The following PCYT2 variants were observed in gnomAD, a reference collection of about 807,000 sequenced individuals.
The protein encoded by PCYT2 is phosphate cytidylyltransferase 2, ethanolamine, also known as ethanolamine-phosphate cytidylyltransferase.
In PCYT2, 33 loss-of-function variants were observed where a neutral mutation model predicts 50.0. The observed-to-expected ratio is 0.66, with a 90% CI of 0.50 to 0.88. The LOEUF is 0.88. PCYT2 is among the 40% of genes least tolerant of loss of function. PCYT2 has a pLI of 0.00. For missense variants in PCYT2, 430 were observed against 519.7 expected (o/e 0.83, Z 1.68); for synonymous variants, 240 against 203.7 (o/e 1.18, Z -1.52).
Position 81,909,550 on chromosome 17 carries a change from T to G in PCYT2, c.142A>C (p.Met48Leu). The G allele has an allele frequency of 1.2e-6, 2 of 1,613,782 alleles. No homozygotes were observed. The highest frequency in any genetic ancestry group is 4.5e-5 in the East Asian group (2 of 44,882). Reference sequence around the variant, plus strand: ...ACGCCTACGATGAGGTAGTCACCCATGGCCCGTGCCTGGCGCAGCTGGTTG... The same window carrying G: ...ACGCCTACGATGAGGTAGTCACCCAGGGCCCGTGCCTGGCGCAGCTGGTTG... The part of the protein sequence containing the change: ...HSNQLRQARA[M>L]GDYLIVGVHT... The change falls in exon 2 of 13, where the codon ATG (methionine) becomes CTG (leucine). Residue 48 changes from methionine to leucine, a missense_variant. This residue lies in a region of PCYT2 where 117 missense variants were observed against 163.9 expected (regional missense o/e 0.71). Coordinates refer to ENST00000538936, the MANE Select transcript of PCYT2 (RefSeq NM_002861.5).
intron 9 of PCYT2, 89 bp from the exon 10 acceptor site, chr17:81,905,824 G>A: frequency 2.9e-6 from 4 of 1,360,214 alleles, no homozygotes; most frequent in Non-Finnish European, 4.2e-6. Flanking sequence ...GCTCAGACAT[G>A]GGGCGGGGCT....
chr17:81,905,923 C>T (rs1427513892), intron 9 of PCYT2, 177 bp downstream of exon 9: 9 of 750,852 alleles, frequency 1.2e-5, no homozygotes, highest in Admixed American at 2.2e-5. Flanking sequence ...GGAGACCTGA[C>T]CACCCCTCCT....
intron 8 of PCYT2, 60 bp downstream of exon 8, chr17:81,906,404 T>A (rs774305572): frequency 1.5e-5 from 22 of 1,513,514 alleles, no homozygotes; most frequent in Non-Finnish European, 1.8e-5. Flanking sequence ...ACAGCAACGC[T>A]TAGGGCCCCT....
In PCYT2 at chr17:81,908,877, G is replaced by A; in HGVS notation, c.339C>T (p.Gly113=). 3 of 1,613,006 alleles carry A rather than the reference G, an allele frequency of 1.9e-6. No homozygotes were observed. The highest frequency in any genetic ancestry group is 2.5e-6 in the Non-Finnish European group (3 of 1,179,362). Residue 113 remains glycine, a splice_region_variant and synonymous_variant, in exon 3 of 13, where the codon GGC becomes GGT. Transcript: ENST00000538936. ...DKYNCDFCVH[G]NDITLTVDGR... is the part of the protein sequence containing the mutation. ...CCAGGTCCCAGCCCCGCCACTCACT[G>A]CCGTGAACACAGAAGTCACAGTTGT...
rs1230746176 is a variant in PCYT2, at chr17:81,911,035, G to T, written c.89+232C>A. On this transcript the variant is annotated intron_variant, in intron 1 of 12. Transcript: ENST00000538936. The stretch of plus-strand genomic sequence containing the variant: ...CGGTGGCTGCACCGGAGAGGTCGGC[G>T]TGACCGGGCGGGGCCTCCGCCAGAG... 3.0e-6 allele frequency: 3 copies of T among 998,906 alleles called. No homozygotes were observed. The African/African-American group carries it at 5.2e-5, about 17-fold the overall frequency. 61.9% of individuals were successfully genotyped at this position (998,906 alleles called of 1,614,324 possible). A position where few individuals can be genotyped will look rare whatever the true frequency, so the allele number is the denominator to read the frequency against.
chr17:81,905,154 C>G lies in PCYT2; in HGVS notation c.970G>C (p.Glu324Gln). The change falls in exon 12 of 13, where the codon GAG (glutamate) becomes CAG (glutamine). Residue 324 changes from glutamate (E) to glutamine (Q), a missense_variant and splice_region_variant. By Grantham distance (29) the Glu-to-Gln change is conservative. Coordinates refer to ENST00000538936, the MANE Select transcript of PCYT2 (RefSeq NM_002861.5). ...CGGAAGATGCCCCTTCTCTTGGGCT[C>G]CTGGGGGTCCAGAGAGGAGGAGCGG... ...PDRDGSDPYQ[E>Q]PKRRGIFRQI... 6.2e-7 allele frequency: 1 copy of G among 1,611,450 alleles called. No homozygotes were observed. The highest frequency in any genetic ancestry group is 8.5e-7 in the Non-Finnish European group (1 of 1,178,844).
In PCYT2 at chr17:81,904,989, C is replaced by A. The variant is rs779946571; in HGVS notation, c.1059-45G>T. ...CTAGCAGAGAGCGCCCATGAGGCGG[C>A]TCCGAGGGGGAGGGCACGGTAAGTC... On this transcript the variant is annotated intron_variant, in intron 12 of 12. Transcript: ENST00000538936. The A allele has an allele frequency of 1.9e-6, 3 of 1,590,966 alleles. No individual in the cohort carries two copies. The South Asian group carries it at 3.4e-5, about 18-fold the overall frequency.
rs2040463994 is a variant in PCYT2 at position 81,909,563 on chromosome 17, G to A, written c.129C>T (p.Arg43=). The A allele has an allele frequency of 6.2e-7, 1 of 1,613,838 alleles. No homozygotes were observed. Among genetic ancestry groups the A allele is most frequent in the Admixed American group, 1.7e-5 (1 of 60,028 alleles). The change falls in exon 2 of 13, where the codon CGC becomes CGT. Residue 43 remains arginine, a synonymous_variant. Coordinates refer to ENST00000538936, the MANE Select transcript of PCYT2 (RefSeq NM_002861.5). ...MVHYGHSNQL[R]QARAMGDYLI... ...GGTAGTCACCCATGGCCCGTGCCTG[G>A]CGCAGCTGGTTGGAGTGGCCGTAAT... is the stretch of plus-strand genomic sequence containing the variant.
intron 2 of PCYT2, 158 bp downstream of exon 2, chr17:81,909,356 G>A: frequency 1.4e-6 from 2 of 1,443,544 alleles, no homozygotes; most frequent in Non-Finnish European, 1.8e-6. Context: ...AAAGGCATTA[G>A]GCCATCCTCA....
chr17:81,907,417 G>A lies in PCYT2; in HGVS notation c.537+137C>T, dbSNP rs2040332629. On this transcript the variant is annotated intron_variant, in intron 6 of 12. Coordinates refer to ENST00000538936, the MANE Select transcript of PCYT2 (RefSeq NM_002861.5). ...ACCAGTGAGCCAAACCTGGCAGTCA[G>A]TGCCTGGTCAGTGCCAGGGACAGAG... 4.2e-6 allele frequency: 5 copies of A among 1,202,156 alleles called. No individual in the cohort carries two copies. The African/African-American group carries it at 4.5e-5, about 11-fold the overall frequency. The allele number at this position is 1,202,156 out of a possible 1,614,324, so 74.5% of individuals were successfully genotyped here.
chr17:81,907,649 C>G, intron 5 of PCYT2, 51 bp from the exon 6 acceptor site: 1 of 1,604,646 alleles, frequency 6.2e-7, no homozygotes. Context: ...CCGGCGTGGC[C>G]ACCCCAGAAC....
chr17:81,909,620 G>GGCAAGGT lies in PCYT2; in HGVS notation c.90-19_90-18insACCTTGC. ...TGTCATAGCTGTGGAGACAGAGAGA[G>GGCAAGGT]TGGGTGGTCCCTGTGCCAAGGGTGG... On this transcript the variant is annotated intron_variant, in intron 1 of 12. Transcript: ENST00000538936. The GGCAAGGT allele has an allele frequency of 6.2e-7, 1 of 1,604,528 alleles. No individual in the cohort carries two copies. The highest frequency in any genetic ancestry group is 8.5e-7 in the Non-Finnish European group (1 of 1,171,560).
At chr17:81,909,469 A>AGGAGGGCT (rs1193939349) in intron 2 of PCYT2, 45 bp downstream of exon 2, 1 of 1,567,034 alleles carries the variant, frequency 6.4e-7, no homozygotes, top group East Asian at 2.2e-5. Context: ...CGCAACCCAC[A>AGGAGGGCT]GGAGGGCTGG....
At position 81,904,731 on chromosome 17, in the gene PCYT2, G is replaced by C. The variant is rs973374441; in HGVS notation, c.*102C>G. On this transcript the variant is annotated 3_prime_UTR_variant, in exon 13 of 13. Transcript: ENST00000538936. ...GGCAGAGTCCTCACCAGCCCTTCCA[G>C]AGCCAGGCCAGTTAGAGAGGGCGGC... The C allele has an allele frequency of 1.3e-6, 1 of 755,026 alleles. No homozygotes were observed. Among genetic ancestry groups the C allele is most frequent in the African/African-American group, 1.7e-5 (1 of 57,172 alleles). 46.8% of individuals were successfully genotyped at this position (755,026 alleles called of 1,614,324 possible).
chr17:81,902,215 G>A lies in PCYT2; in HGVS notation c.*2618C>T, dbSNP rs936804474. 26 of 1,206,852 alleles carry A rather than the reference G, an allele frequency of 2.2e-5. No individual in the cohort carries two copies. Among genetic ancestry groups the A allele is most frequent in the Non-Finnish European group, 2.3e-5 (22 of 971,782 alleles). The allele number at this position is 1,206,852 out of a possible 1,614,324, so 74.8% of individuals were successfully genotyped here. A position where few individuals can be genotyped will look rare whatever the true frequency, so the allele number is the denominator to read the frequency against. On this transcript the variant is annotated 3_prime_UTR_variant, in exon 13 of 13. Transcript: ENST00000538936. ...GGCCCGCCCTCGCCGCAGATATAAG[G>A]CGGCCCAGGCGGTGGCTGCTCCGAG...
intron 6 of PCYT2, 197 bp downstream of exon 6, chr17:81,907,357 G>A: frequency 1.6e-6 from 2 of 1,284,668 alleles, no homozygotes; most frequent in Non-Finnish European, 2.1e-6. Flanking sequence ...CGGCCAGCCG[G>A]TGCCACCACC....
rs2040558107 is a variant in PCYT2, at chr17:81,910,836, G to A, written c.89+431C>T. 3 of 962,110 alleles carry A rather than the reference G, an allele frequency of 3.1e-6. No homozygotes were observed. The South Asian group carries it at 1.4e-4, about 46-fold the overall frequency. The allele number at this position is 962,110 out of a possible 1,614,324, so 59.6% of individuals were successfully genotyped here. The stretch of plus-strand genomic sequence containing the variant: ...CCGATCGCATTCTAGCCCCGCGGAG[G>A]AGGACCCGGGAGCCCGCGGGCTTCA... On this transcript the variant is annotated intron_variant, in intron 1 of 12. Transcript: ENST00000538936.
intron 1 of PCYT2, 165 bp downstream of exon 1, chr17:81,911,102 C>T: frequency 1.0e-6 from 1 of 1,002,286 alleles, no homozygotes. Flanking sequence ...GCCTCTGCAG[C>T]CCGACCCTCC....
At chr17:81,905,024 G>A (rs2040172354) in intron 12 of PCYT2, 42 bp downstream of exon 12, 3 of 1,595,778 alleles carry the variant, frequency 1.9e-6, no homozygotes. Context: ...CTAGCGGAGA[G>A]CGCCCATGAG....
Sources: allele counts gnomAD v4.1 joint callset, GRCh38; gene constraint gnomAD v4.1.1; regional missense constraint gnomAD v4.1.1; transcripts MANE v1.5; gene names NCBI Gene and HGNC (gene_info 2026-07-23, HGNC 2026-07-21).